RAB1A: variants seen among roughly 807,000 people sequenced by gnomAD.
RAB1A encodes RAB1A, member RAS oncogene family.
RAB1A carries 2 observed loss-of-function variants against 26.0 expected under a neutral mutation model. That is an observed-to-expected ratio of 0.08 (90% CI 0.03 to 0.24). The LOEUF (loss-of-function observed/expected upper bound fraction) is 0.24, where lower values mean the gene tolerates loss of function less well. Among genes scored for constraint, RAB1A ranks in the 10% least tolerant of loss-of-function variants. The probability of loss-of-function intolerance (pLI) is 1.00; values close to 1 mark genes in which losing one functional copy is unlikely to be tolerated. For synonymous variants in RAB1A, 84 were observed against 84.9 expected (o/e 0.99, Z 0.06); for missense variants, 100 against 247.0 (o/e 0.40, Z 3.99).
intron 1 of RAB1A, among the ~76,000 whole-genome samples, chr2:65,120,090 A>G (rs1669923788): frequency 6.6e-6 from 1 of 152,046 alleles, no homozygotes; most frequent in Non-Finnish European, 1.5e-5. Flanking sequence ...CCTTTTATAA[A>G]TTTAGCTATT....
intron 2 of RAB1A, among the ~76,000 whole-genome samples, chr2:65,100,375 C>G (rs944275587): frequency 1.6e-5 from 2 of 127,492 alleles, no homozygotes; most frequent in Non-Finnish European, 3.2e-5. Flanking sequence ...CACTCCAGCC[C>G]AGGCGACAAG....
rs888088107 is a variant in RAB1A at position 65,095,345 on chromosome 2, G to A, written c.192+2626C>T. On this transcript the variant is annotated intron_variant, in intron 3 of 5. Transcript: ENST00000409784. ...ACCACGACGCCCGGACAGCCACTGC[G>A]CCCAGCCTTATTTTGTTTTTGAGAC... 9.9e-5 allele frequency among the ~76,000 whole-genome samples: 15 copies of A among 151,330 alleles called. No homozygotes were observed. In the East Asian group the frequency reaches 1.6e-3, roughly 16 times the overall value.
Position 65,113,427 on chromosome 2 carries a change from GC to G in RAB1A, c.24-8622del, listed in dbSNP as rs1186507910. On this transcript the variant is annotated intron_variant, in intron 1 of 5. Coordinates refer to ENST00000409784, the MANE Select transcript of RAB1A (RefSeq NM_004161.5). ...AGGCTGAGGCAGGAGGGTAACTTGAGCCCAGGAGTTCAAGGTTGCAGTGAGC... is the reference window on the plus strand; with the variant it reads ...AGGCTGAGGCAGGAGGGTAACTTGAGCCAGGAGTTCAAGGTTGCAGTGAGC... Among the ~76,000 whole-genome samples, 10 of 152,222 alleles carry G rather than the reference GC, an allele frequency of 6.6e-5. No homozygotes were observed. In the East Asian group the frequency reaches 1.7e-3, roughly 26 times the overall value.
At chr2:65,109,075 A>C (rs1175685686) in intron 1 of RAB1A, among the ~76,000 whole-genome samples, 8 of 152,210 alleles carry the variant, frequency 5.3e-5, no homozygotes, top group African/African-American at 1.9e-4. Flanking sequence ...TTGCATTGGG[A>C]CATTTTAAAT....
intron 3 of RAB1A, among the ~76,000 whole-genome samples, chr2:65,091,390 C>T (rs1239812620): frequency 6.6e-5 from 10 of 152,134 alleles, no homozygotes; most frequent in African/African-American, 2.2e-4. Flanking sequence ...TGCCACTGGC[C>T]GAAAGCCCTT....
intron 3 of RAB1A, among the ~76,000 whole-genome samples, chr2:65,093,737 C>G (rs1669222670): frequency 6.6e-6 from 1 of 150,666 alleles, no homozygotes. Context: ...ATTCCCCTGT[C>G]TCAGCCTCCC....
chr2:65,115,843 G>A (rs930188945), intron 1 of RAB1A, among the ~76,000 whole-genome samples: 2 of 152,088 alleles, frequency 1.3e-5, no homozygotes, highest in African/African-American at 4.8e-5. Flanking sequence ...ATATAGTTCT[G>A]TTTAGAACAG....
chr2:65,121,877 A>C (rs960156177), intron 1 of RAB1A, among the ~76,000 whole-genome samples: 1 of 152,178 alleles, frequency 6.6e-6, no homozygotes, highest in African/African-American at 2.4e-5. Context: ...GCTGATAAGC[A>C]GCCAAACGTA....
intron 2 of RAB1A, among the ~76,000 whole-genome samples, chr2:65,099,757 C>T (rs1242084848): frequency 1.3e-5 from 2 of 152,190 alleles, no homozygotes; most frequent in African/African-American, 4.8e-5. Context: ...GCTGGGATTA[C>T]AGGTGTGAGC....
intron 1 of RAB1A, 102 bp downstream of exon 1, chr2:65,129,791 C>T: frequency 6.5e-7 from 1 of 1,529,700 alleles, no homozygotes; most frequent in Middle Eastern, 1.7e-4. Flanking sequence ...CCTCGCCTCA[C>T]CCCAGCCGAT....
rs896524935 is a variant in RAB1A, at chr2:65,103,780, A to AT, written c.96+953dup. ...GGGAAACATGCTAATTTGTTTTTTT[A>AT]TTTTTTTTCTTTTTTTTTTGAGACA... On this transcript the variant is annotated intron_variant, in intron 2 of 5. Coordinates refer to ENST00000409784, the MANE Select transcript of RAB1A (RefSeq NM_004161.5). Among the ~76,000 whole-genome samples, 25 of 150,594 alleles carry AT rather than the reference A, an allele frequency of 1.7e-4. No individual in the cohort carries two copies. The South Asian group carries it at 2.5e-3, about 15-fold the overall frequency.
chr2:65,125,439 T>A (rs958688738), intron 1 of RAB1A, among the ~76,000 whole-genome samples: 2 of 148,710 alleles, frequency 1.3e-5, no homozygotes, highest in African/African-American at 5.0e-5. Context: ...TTTTTTTTTT[T>A]TTTGAGGAGT....
chr2:65,103,774 T>G (rs1489665703), intron 2 of RAB1A, among the ~76,000 whole-genome samples: 1 of 151,372 alleles, frequency 6.6e-6, no homozygotes, highest in Non-Finnish European at 1.5e-5. Flanking sequence ...GCTAATTTGT[T>G]TTTTTATTTT....
chr2:65,115,449 A>G (rs1219160106), intron 1 of RAB1A, among the ~76,000 whole-genome samples: 6 of 152,238 alleles, frequency 3.9e-5, no homozygotes, highest in Non-Finnish European at 7.3e-5. Context: ...TCCACAGAAC[A>G]CAATTCAAAA....
At chr2:65,110,265 C>T (rs1244098338) in intron 1 of RAB1A, among the ~76,000 whole-genome samples, 1 of 151,876 alleles carries the variant, frequency 6.6e-6, no homozygotes, top group Non-Finnish European at 1.5e-5. Flanking sequence ...CATGGTGAAA[C>T]CCTGTCTCTA....
intron 1 of RAB1A, among the ~76,000 whole-genome samples, chr2:65,107,723 A>G (rs1166790333): frequency 1.3e-5 from 2 of 152,138 alleles, no homozygotes; most frequent in African/African-American, 4.8e-5. Context: ...TAAACACTCA[A>G]AAACATTCCC....
intron 1 of RAB1A, among the ~76,000 whole-genome samples, chr2:65,107,563 T>C (rs1048226478): frequency 1.3e-5 from 2 of 152,044 alleles, no homozygotes; most frequent in South Asian, 2.1e-4. Flanking sequence ...CTCGATTCAC[T>C]GCAACCTCTG....
chr2:65,100,124 G>A (rs1274427466), intron 2 of RAB1A, among the ~76,000 whole-genome samples: 6 of 152,098 alleles, frequency 3.9e-5, no homozygotes, highest in African/African-American at 1.2e-4. Flanking sequence ...AATATGGGCC[G>A]GGCATGATGG....
intron 1 of RAB1A, among the ~76,000 whole-genome samples, chr2:65,129,077 TTC>T (rs1203664155): frequency 6.6e-6 from 1 of 151,960 alleles, no homozygotes; most frequent in Non-Finnish European, 1.5e-5. Context: ...TCCCGTTCGT[TTC>T]TCTTTCAACT....
Sources: allele counts gnomAD v4.1 joint callset (sites outside exome capture counted in the v4.1 genomes callset), GRCh38; gene constraint gnomAD v4.1.1; transcripts MANE v1.5; gene names NCBI Gene and HGNC (gene_info 2026-07-23, HGNC 2026-07-21).